THADA: variants seen among roughly 807,000 people sequenced by gnomAD.
THADA encodes the protein THADA armadillo repeat containing.
A neutral mutation model predicts 219.8 loss-of-function variants in THADA; 213 were observed. That is an observed-to-expected ratio of 0.97 (90% CI 0.87 to 1.09). THADA has a LOEUF of 1.09. Among genes scored for constraint, THADA ranks in the 50% least tolerant of loss-of-function variants. The pLI is 0.00. For missense variants in THADA, 2,956 were observed against 2,311.3 expected (o/e 1.28, Z -5.72); for synonymous variants, 1,018 against 828.9 (o/e 1.23, Z -3.92).
chr2:43,373,597 C>A (rs1671046485), intron 29 of THADA, among the ~76,000 whole-genome samples: 1 of 152,154 alleles, frequency 6.6e-6, no homozygotes, highest in Non-Finnish European at 1.5e-5. Flanking sequence ...CTACCTCAGC[C>A]TCCCAAGTAG....
chr2:43,388,944 C>A (rs1010484520), intron 29 of THADA, among the ~76,000 whole-genome samples: 1 of 152,144 alleles, frequency 6.6e-6, no homozygotes, highest in Non-Finnish European at 1.5e-5. Context: ...ACCCCCTCAC[C>A]CCCCGCCCGT....
At chr2:43,318,559 G>A (rs138384478) in intron 31 of THADA, among the ~76,000 whole-genome samples, 119 of 152,166 alleles carry the variant, frequency 7.8e-4, no homozygotes, top group African/African-American at 2.8e-3. Context: ...CATCTCAAGC[G>A]CTCAAGATCC....
chr2:43,571,981 A>G, intron 12 of THADA, 119 bp from the exon 13 acceptor site: 1 of 834,882 alleles, frequency 1.2e-6, no homozygotes, highest in Non-Finnish European at 1.9e-6. Flanking sequence ...GTTCACCAAT[A>G]GGTACCTCAG....
intron 26 of THADA, among the ~76,000 whole-genome samples, chr2:43,481,214 A>G (rs1167451242): frequency 1.3e-5 from 2 of 152,224 alleles, no homozygotes; most frequent in African/African-American, 4.8e-5. Flanking sequence ...AAATGCTAAG[A>G]AAAATAACTA....
chr2:43,526,806 T>C (rs753413845), intron 22 of THADA, among the ~76,000 whole-genome samples: 23 of 152,176 alleles, frequency 1.5e-4, no homozygotes, highest in Non-Finnish European at 3.1e-4. Flanking sequence ...AACTTCATCT[T>C]ATAAAAAAAC....
At chr2:43,453,882 A>G (rs1260287296) in intron 26 of THADA, among the ~76,000 whole-genome samples, 1 of 152,230 alleles carries the variant, frequency 6.6e-6, no homozygotes, top group African/African-American at 2.4e-5. Context: ...GGAGAACAAC[A>G]TAGCATGCAC....
chr2:43,519,238 C>A (rs1050844667), intron 22 of THADA, among the ~76,000 whole-genome samples: 2 of 151,966 alleles, frequency 1.3e-5, no homozygotes, highest in African/African-American at 2.4e-5. Flanking sequence ...TTTATCCTAG[C>A]TATCACAATT....
chr2:43,347,209 T>C (rs1667727763), intron 29 of THADA, among the ~76,000 whole-genome samples: 1 of 152,218 alleles, frequency 6.6e-6, no homozygotes, highest in African/African-American at 2.4e-5. Context: ...TTTGGGCAAC[T>C]TAACCTCTGT....
chr2:43,325,234 C>T (rs1679185629), intron 30 of THADA, among the ~76,000 whole-genome samples: 1 of 152,000 alleles, frequency 6.6e-6, no homozygotes, highest in Admixed American at 6.5e-5. Context: ...CAGCAGAAGT[C>T]TTGGGGAAGT....
At chr2:43,429,538 T>C (rs569471892) in intron 27 of THADA, among the ~76,000 whole-genome samples, 1 of 152,216 alleles carries the variant, frequency 6.6e-6, no homozygotes, top group Admixed American at 6.5e-5. Flanking sequence ...CAAGTGATCA[T>C]ATTAGTCAGC....
chr2:43,487,271 A>T (rs547786445), intron 25 of THADA, among the ~76,000 whole-genome samples: 1 of 152,274 alleles, frequency 6.6e-6, no homozygotes, highest in South Asian at 2.1e-4. Flanking sequence ...TCCTCTCAGA[A>T]ATCACACAAA....
intron 28 of THADA, among the ~76,000 whole-genome samples, chr2:43,413,438 G>A (rs1297527421): frequency 1.3e-5 from 2 of 152,136 alleles, no homozygotes; most frequent in African/African-American, 4.8e-5. Flanking sequence ...AGCAGCATAA[G>A]GTGAGATACA....
chr2:43,231,351 A>T lies in THADA; in HGVS notation c.5467-8T>A, dbSNP rs1667393007. 2.0e-6 allele frequency: 3 copies of T among 1,511,402 alleles called. No homozygotes were observed. Among genetic ancestry groups the T allele is most frequent in the South Asian group, 1.4e-5 (1 of 73,730 alleles). 93.6% of individuals were successfully genotyped at this position (1,511,402 alleles called of 1,614,324 possible). A position where few individuals can be genotyped will look rare whatever the true frequency, so the allele number is the denominator to read the frequency against. On this transcript the variant is annotated splice_polypyrimidine_tract_variant and splice_region_variant and intron_variant, in intron 37 of 37. Transcript: ENST00000405975. Reference sequence around the variant, plus strand: ...CAGGTAGTCTTCTTCCACCTAAATCAGATGAAAAAGCCGAAAGTCAGTCTT... The same window carrying T: ...CAGGTAGTCTTCTTCCACCTAAATCTGATGAAAAAGCCGAAAGTCAGTCTT...
At chr2:43,291,600 T>TTC (rs1183996282) in intron 34 of THADA, 96 bp downstream of exon 34, 1 of 824,182 alleles carries the variant, frequency 1.2e-6, no homozygotes, top group Non-Finnish European at 1.8e-6. Flanking sequence ...ATCACAGGGG[T>TTC]TCTGCCTGCT....
chr2:43,477,580 G>A (rs753532723), intron 26 of THADA, among the ~76,000 whole-genome samples: 6 of 152,150 alleles, frequency 3.9e-5, no homozygotes, highest in Non-Finnish European at 8.8e-5. Context: ...ACCAGCCAGT[G>A]GTACAGAATG....
intron 15 of THADA, 144 bp from the exon 16 acceptor site, chr2:43,560,529 T>C (rs1033493366): frequency 2.5e-5 from 12 of 479,736 alleles, no homozygotes; most frequent in African/African-American, 1.8e-4. Context: ...CAGTAACTTT[T>C]CCATTAATTT....
intron 24 of THADA, among the ~76,000 whole-genome samples, chr2:43,501,280 TG>T (rs1688922225): frequency 1.0e-5 from 1 of 98,056 alleles, no homozygotes; most frequent in African/African-American, 4.1e-5. Flanking sequence ...CACTCGAACC[TG>T]GGCAACAAAA....
At chr2:43,350,553 T>C (rs1229739531) in intron 29 of THADA, among the ~76,000 whole-genome samples, 1 of 152,232 alleles carries the variant, frequency 6.6e-6, no homozygotes, top group Non-Finnish European at 1.5e-5. Flanking sequence ...ACTTCCACAA[T>C]GCAGGGTGCC....
In THADA at chr2:43,430,214, T is replaced by G. The variant is rs1005007701; in HGVS notation, c.3925A>C (p.Ser1309Arg). ...TGCCCCACCCAATTCTCTTCTTACCTGTCTACTGTATTGGCTACAGTTTCC... is the reference window on the plus strand; with the variant it reads ...TGCCCCACCCAATTCTCTTCTTACCGGTCTACTGTATTGGCTACAGTTTCC... ...QLETVANTVD[S>R]DMGEPNRHPS... Residue 1309 changes from serine (S) to arginine (R), a missense_variant and splice_region_variant, in exon 27 of 38, where the codon AGT (serine) becomes CGT (arginine). Ser to Arg is a moderately radical substitution (Grantham distance 110, BLOSUM62 -1). Transcript: ENST00000405975. 4 of 1,512,922 alleles carry G rather than the reference T, an allele frequency of 2.6e-6. No homozygotes were observed. The Admixed American group carries it at 6.7e-5, about 25-fold the overall frequency. The allele number at this position is 1,512,922 out of a possible 1,614,324, so 93.7% of individuals were successfully genotyped here. A position where few individuals can be genotyped will look rare whatever the true frequency, so the allele number is the denominator to read the frequency against.
Sources: allele counts gnomAD v4.1 joint callset (sites outside exome capture counted in the v4.1 genomes callset), GRCh38; gene constraint gnomAD v4.1.1; transcripts MANE v1.5; gene names NCBI Gene and HGNC (gene_info 2026-07-23, HGNC 2026-07-21).